CLDN16: variants seen among roughly 807,000 people sequenced by gnomAD.
CLDN16 encodes claudin-16.
In CLDN16, 13 loss-of-function variants were observed where a neutral mutation model predicts 24.6. The ratio of observed to expected loss-of-function variants is 0.53; its 90% CI spans 0.34 to 0.84. CLDN16 has a LOEUF of 0.84. CLDN16 is among the 40% of genes least tolerant of loss of function. The probability of loss-of-function intolerance (pLI) is 0.01; values close to 1 mark genes in which losing one functional copy is unlikely to be tolerated. For missense variants in CLDN16, 298 were observed against 292.7 expected (o/e 1.02, Z -0.13); for synonymous variants, 116 against 106.7 (o/e 1.09, Z -0.54).
At chr3:190,394,954 G>A (rs762769493) in intron 1 of CLDN16, among the ~76,000 whole-genome samples, 8 of 152,006 alleles carry the variant, frequency 5.3e-5, no homozygotes, top group Non-Finnish European at 1.0e-4. Flanking sequence ...TAGAGAATGT[G>A]GCTTTTTGCT....
chr3:190,365,316 C>T (rs13072892), intron 1 of CLDN16, among the ~76,000 whole-genome samples: 30,923 of 151,406 alleles, frequency 0.2, 3,294 homozygotes, highest in East Asian at 0.29. Context: ...AGGATAGCCA[C>T]CACTTATCTT....
chr3:190,387,375 CA>C (rs1718529661), upstream of CLDN16, among the ~76,000 whole-genome samples: 1 of 148,890 alleles, frequency 6.7e-6, no homozygotes, highest in Non-Finnish European at 1.5e-5. Context: ...TTTTTTTCTT[CA>C]TTAGACGCGT....
the CLDN16 span, among the ~76,000 whole-genome samples, chr3:190,316,262 T>C: frequency 6.6e-6 from 1 of 152,254 alleles, no homozygotes; most frequent in Non-Finnish European, 1.5e-5. Flanking sequence ...AAGTAATATT[T>C]TCACTTACAT....
intron 1 of CLDN16, among the ~76,000 whole-genome samples, chr3:190,327,367 C>G (rs1717087455): frequency 6.6e-6 from 1 of 152,156 alleles, no homozygotes; most frequent in Non-Finnish European, 1.5e-5. Flanking sequence ...TGGTATTAAC[C>G]TAACATGTGG....
the CLDN16 span, among the ~76,000 whole-genome samples, chr3:190,310,859 C>T: frequency 5.7e-4 from 86 of 152,166 alleles, no homozygotes; most frequent in African/African-American, 2.0e-3. Context: ...TTTATGCAAC[C>T]CAATCTCAAT....
intron 1 of CLDN16, among the ~76,000 whole-genome samples, chr3:190,330,723 T>C (rs1426206112): frequency 1.3e-5 from 2 of 152,092 alleles, no homozygotes; most frequent in Admixed American, 1.3e-4. Context: ...AAGTGAGAGA[T>C]TTTACAATGG....
chr3:190,310,232 G>T, the CLDN16 span: 1 of 1,613,482 alleles, frequency 6.2e-7, no homozygotes, highest in Non-Finnish European at 8.5e-7. Flanking sequence ...ATACCATGCT[G>T]TGGCAACTAA....
chr3:190,302,924 A>T, the CLDN16 span, among the ~76,000 whole-genome samples: 2 of 151,866 alleles, frequency 1.3e-5, no homozygotes, highest in East Asian at 3.9e-4. Context: ...AAAATAAAAA[A>T]TAAGAATAAA....
the CLDN16 span, among the ~76,000 whole-genome samples, chr3:190,298,376 C>CACACACACACACACA: frequency 2.0e-5 from 3 of 150,134 alleles, no homozygotes; most frequent in South Asian, 2.1e-4. Flanking sequence ...CACACACACA[C>CACACACACACACACA]CTTAACAATG....
the CLDN16 span, among the ~76,000 whole-genome samples, chr3:190,308,676 T>G: frequency 6.6e-6 from 1 of 152,174 alleles, no homozygotes; most frequent in African/African-American, 2.4e-5. Context: ...CCAGGTTAAT[T>G]ACACAAATAA....
At chr3:190,348,280 CAAA>C (rs34092127) in intron 1 of CLDN16, among the ~76,000 whole-genome samples, 2 of 76,986 alleles carry the variant, frequency 2.6e-5, no homozygotes, top group Admixed American at 1.7e-4. Context: ...AAGAATAAAT[CAAA>C]AAAAAAAAAA....
At chr3:190,344,701 TA>T (rs5855325) in intron 1 of CLDN16, among the ~76,000 whole-genome samples, 7,184 of 145,426 alleles carry the variant, frequency 0.049, 568 homozygotes, top group African/African-American at 0.17. Context: ...GCTGTGGAAA[TA>T]AAAAAAAAAA....
chr3:190,369,424 T>C (rs1577412885), intron 1 of CLDN16, among the ~76,000 whole-genome samples: 1 of 152,108 alleles, frequency 6.6e-6, no homozygotes, highest in African/African-American at 2.4e-5. Flanking sequence ...TAAGAGAACA[T>C]GCAGTGAGAA....
At chr3:190,392,459 G>T (rs1316256111) in intron 1 of CLDN16, among the ~76,000 whole-genome samples, 1 of 151,856 alleles carries the variant, frequency 6.6e-6, no homozygotes, top group Non-Finnish European at 1.5e-5. Flanking sequence ...TTGGCACCAT[G>T]GTGGGTACAT....
rs573024259 is a variant in CLDN16, at chr3:190,402,378, A to G, written c.156A>G (p.Thr52=). ...KCRGLWWECV[T]NAFDGIRTCD... Reference sequence around the variant, plus strand: ...GAGGCCTCTGGTGGGAATGCGTCACAAATGCTTTTGATGGGATTCGCACCT... The same window carrying G: ...GAGGCCTCTGGTGGGAATGCGTCACGAATGCTTTTGATGGGATTCGCACCT... The change falls in exon 2 of 5, where the codon ACA becomes ACG. Residue 52 remains threonine, a synonymous_variant. Coordinates refer to ENST00000264734, the MANE Select transcript of CLDN16 (RefSeq NM_006580.4). 1.9e-6 allele frequency: 3 copies of G among 1,614,042 alleles called. No individual in the cohort carries two copies. The highest frequency in any genetic ancestry group is 1.3e-5 in the African/African-American group (1 of 75,016).
chr3:190,365,573 C>T (rs890990341), intron 1 of CLDN16, among the ~76,000 whole-genome samples: 46 of 148,858 alleles, frequency 3.1e-4, no homozygotes, highest in African/African-American at 1.1e-3. Context: ...CAAGAACCAG[C>T]CTCACAACTC....
At chr3:190,403,544 C>A (rs1445005182) in intron 2 of CLDN16, among the ~76,000 whole-genome samples, 1 of 152,058 alleles carries the variant, frequency 6.6e-6, no homozygotes, top group Non-Finnish European at 1.5e-5. Context: ...TCTTTCAAAG[C>A]AAATGATGGG....
chr3:190,401,279 G>GT (rs147283606), intron 1 of CLDN16, among the ~76,000 whole-genome samples: 2 of 30,908 alleles, frequency 6.5e-5, no homozygotes, highest in Non-Finnish European at 5.7e-5. Flanking sequence ...GTGTTCTTAT[G>GT]TTTTTTTTTC....
chr3:190,377,308 G>A (rs1263202812), intron 3 of CLDN16, among the ~76,000 whole-genome samples: 3 of 151,958 alleles, frequency 2.0e-5, no homozygotes, highest in Admixed American at 6.6e-5. Flanking sequence ...AAATGCTGCT[G>A]CTAATGCATT....
Sources: allele counts gnomAD v4.1 joint callset (sites outside exome capture counted in the v4.1 genomes callset), GRCh38; gene constraint gnomAD v4.1.1; transcripts MANE v1.5; gene names NCBI Gene and HGNC (gene_info 2026-07-23, HGNC 2026-07-21).